The following FGR variants were observed in gnomAD, a reference collection of about 807,000 sequenced individuals.
The protein encoded by FGR is FGR proto-oncogene, Src family tyrosine kinase, also known as tyrosine-protein kinase Fgr.
In FGR, 26 loss-of-function variants were observed where a neutral mutation model predicts 63.2. That is an observed-to-expected ratio of 0.41 (90% confidence interval 0.30 to 0.57). The LOEUF is 0.57. Ranked by LOEUF, FGR falls within the 20% of genes least tolerant of loss-of-function variation. FGR has a pLI of 0.27. For synonymous variants in FGR, 286 were observed against 277.7 expected (o/e 1.03, Z -0.30); for missense variants, 511 against 690.8 (o/e 0.74, Z 2.92).
Position 27,615,966 on chromosome 1 carries a change from G to T in FGR, c.683-122C>A. ...TTATAAGGAACTAGGCCCCAAGTGA[G>T]GTCACAGGCCAGGAAGAAAGGCAAC... On this transcript the variant is annotated intron_variant, in intron 7 of 12. Transcript: ENST00000374005. This position sits in a 1 kb window ranked among gnomAD's most constrained non-coding sequence, Gnocchi z 7.6. The T allele has an allele frequency of 8.8e-7, 1 of 1,132,636 alleles. No individual in the cohort carries two copies. Among genetic ancestry groups the T allele is most frequent in the Non-Finnish European group, 1.2e-6 (1 of 823,624 alleles). 70.2% of individuals were successfully genotyped at this position (1,132,636 alleles called of 1,614,324 possible). A position where few individuals can be genotyped will look rare whatever the true frequency, so the allele number is the denominator to read the frequency against.
At chr1:27,628,472 A>C (rs2090057080) in intron 1 of FGR, among the ~76,000 whole-genome samples, 1 of 149,376 alleles carries the variant, frequency 6.7e-6, no homozygotes. Flanking sequence ...AGCATGCACA[A>C]ATGCGGATGC....
In FGR at chr1:27,617,991, C is replaced by T. The variant is rs1006632960; in HGVS notation, c.429-695G>A. Reference sequence around the variant, plus strand: ...AGGTACAATGGGGGAGCTGAAGTGACCACAGGTGCCATAGAAGACTCAGAT... The same window carrying T: ...AGGTACAATGGGGGAGCTGAAGTGATCACAGGTGCCATAGAAGACTCAGAT... On this transcript the variant is annotated intron_variant, in intron 5 of 12. Transcript: ENST00000374005. The surrounding 1 kb of genome is among the most constrained non-coding windows in gnomAD (Gnocchi z 4.5). 1.3e-5 allele frequency among the ~76,000 whole-genome samples: 2 copies of T among 152,164 alleles called. No individual in the cohort carries two copies. Among genetic ancestry groups the T allele is most frequent in the African/African-American group, 4.8e-5 (2 of 41,426 alleles).
chr1:27,613,758 C>T (rs903200984), intron 11 of FGR, among the ~76,000 whole-genome samples: 8 of 149,444 alleles, frequency 5.4e-5, no homozygotes, highest in Admixed American at 1.3e-4. Flanking sequence ...ATGAGGATTT[C>T]GGGGATCCTG....
intron 1 of FGR, among the ~76,000 whole-genome samples, chr1:27,632,101 C>G (rs1320047238): frequency 1.3e-5 from 2 of 151,444 alleles, no homozygotes; most frequent in Admixed American, 6.6e-5. Context: ...CTCATTAACT[C>G]CCTTTCTTTC....
intron 5 of FGR, among the ~76,000 whole-genome samples, chr1:27,620,460 T>C (rs1557732536): frequency 1.3e-5 from 2 of 151,750 alleles, no homozygotes; most frequent in South Asian, 2.1e-4. Context: ...TAAAAAAATA[T>C]ACAAAAATTA....
At chr1:27,626,804 T>C (rs2090028020) in intron 1 of FGR, among the ~76,000 whole-genome samples, 1 of 152,054 alleles carries the variant, frequency 6.6e-6, no homozygotes, top group Non-Finnish European at 1.5e-5. Flanking sequence ...GGTGGAGGAC[T>C]GGAAGCCATC....
intron 2 of FGR, among the ~76,000 whole-genome samples, chr1:27,624,523 GTC>G (rs1398416353): frequency 8.5e-5 from 13 of 152,168 alleles, no homozygotes; most frequent in Non-Finnish European, 1.8e-4. Context: ...GTCTTTGTGT[GTC>G]TCTAAGTATG....
rs1188012639 is a variant in FGR, at chr1:27,617,415, C to T, written c.429-119G>A. On this transcript the variant is annotated intron_variant, in intron 5 of 12. Coordinates refer to ENST00000374005, the MANE Select transcript of FGR (RefSeq NM_005248.3). The surrounding 1 kb of genome is among the most constrained non-coding windows in gnomAD (Gnocchi z 4.5). ...CCCCATGTGTAAAATGGGGCTGGTA[C>T]ACCTGCTTCACATCCTGGCTGGGAG... is the stretch of plus-strand genomic sequence containing the variant. 2 of 686,914 alleles carry T rather than the reference C, an allele frequency of 2.9e-6. No homozygotes were observed. Among genetic ancestry groups the T allele is most frequent in the African/African-American group, 1.8e-5 (1 of 56,722 alleles). 42.6% of individuals were successfully genotyped at this position (686,914 alleles called of 1,614,324 possible).
chr1:27,613,258 GC>G lies in FGR; in HGVS notation c.1341del (p.Leu448SerfsTer15). On this transcript the variant is annotated frameshift_variant, in exon 12 of 13. Coordinates refer to ENST00000374005, the MANE Select transcript of FGR (RefSeq NM_005248.3). LOFTEE classifies it high-confidence loss of function. ...IKSDVWSFGI[L>X]LTELITKGRI... Reference sequence around the variant, plus strand: ...CGGCCCTTGGTGATGAGCTCAGTGAGCAGGATCCCAAAGGACCACACGTCTG... The same window carrying G: ...CGGCCCTTGGTGATGAGCTCAGTGAGAGGATCCCAAAGGACCACACGTCTG... The G allele has an allele frequency of 6.2e-7, 1 of 1,614,220 alleles. No homozygotes were observed. Among genetic ancestry groups the G allele is most frequent in the Non-Finnish European group, 8.5e-7 (1 of 1,180,020 alleles).
rs59265327 is a variant in FGR at position 27,620,991 on chromosome 1, C to CAAAAAAA, written c.428+561_428+567dup. 1.7e-3 allele frequency among the ~76,000 whole-genome samples: 38 copies of CAAAAAAA among 22,020 alleles called. 1 individual carries two copies. The highest frequency in any genetic ancestry group is 3.4e-3 in the Admixed American group (5 of 1,472). The allele number at this position is 22,020 out of a possible 152,430, so 14.4% of individuals were successfully genotyped here. On this transcript the variant is annotated intron_variant, in intron 5 of 12. Transcript: ENST00000374005. ...TAGGCAACAGAGTAGGACCCTGTCT[C>CAAAAAAA]AAAAAAAAAAAAAAAAAAAAAAAAA...
In FGR at chr1:27,617,833, C is replaced by T. The variant is rs187398750; in HGVS notation, c.429-537G>A. Among the ~76,000 whole-genome samples the T allele has an allele frequency of 2.8e-3, 427 of 152,348 alleles. 4 individuals are homozygous for T. Among genetic ancestry groups the T allele is most frequent in the African/African-American group, 9.9e-3 (410 of 41,570 alleles). On this transcript the variant is annotated intron_variant, in intron 5 of 12. Transcript: ENST00000374005. This position sits in a 1 kb window ranked among gnomAD's most constrained non-coding sequence, Gnocchi z 4.5. ...CTCTTCTCTCTGGCTGCTCCCGCCC[C>T]GGCTACTGCTCTTCCTGCACTCTCT...
In FGR at chr1:27,613,087, G is replaced by C; in HGVS notation, c.1417C>G (p.Gln473Glu). The C allele has an allele frequency of 1.2e-6, 2 of 1,614,200 alleles. No homozygotes were observed. Among genetic ancestry groups the C allele is most frequent in the Non-Finnish European group, 1.7e-6 (2 of 1,180,026 alleles). The change falls in exon 13 of 13, where the codon CAG becomes GAG. Residue 473 changes from glutamine to glutamate, a missense_variant. Physicochemically the swap from Gln to Glu is conservative, Grantham distance 29 (BLOSUM62 2). Transcript: ENST00000374005. ...GGAGGGCACGGCATGTGGTAGCCCTGCTCCACCTGTTCCAACACTTCCCGT... is the reference window on the plus strand; with the variant it reads ...GGAGGGCACGGCATGTGGTAGCCCTCCTCCACCTGTTCCAACACTTCCCGT... ...NKREVLEQVE[Q>E]GYHMPCPPGC...
chr1:27,622,399 C>T (rs2089946977), intron 4 of FGR, among the ~76,000 whole-genome samples: 1 of 152,104 alleles, frequency 6.6e-6, no homozygotes, highest in Non-Finnish European at 1.5e-5. Context: ...AGGTGAACCA[C>T]TTTGTGGTTT....
At chr1:27,613,694 C>CAAAAAA (rs56363244) in intron 11 of FGR, among the ~76,000 whole-genome samples, 12 of 74,206 alleles carry the variant, frequency 1.6e-4, no homozygotes, top group East Asian at 5.4e-4. Flanking sequence ...GACTCCATCT[C>CAAAAAA]AAAAAAAAAA....
chr1:27,628,306 C>T (rs1359439105), intron 1 of FGR, among the ~76,000 whole-genome samples: 1 of 152,008 alleles, frequency 6.6e-6, no homozygotes, highest in Non-Finnish European at 1.5e-5. Context: ...TATGATCATG[C>T]CACTGTACTC....
At chr1:27,630,468 C>T (rs955929240) in intron 1 of FGR, among the ~76,000 whole-genome samples, 3 of 152,170 alleles carry the variant, frequency 2.0e-5, no homozygotes, top group African/African-American at 7.2e-5. Flanking sequence ...AGATTGGACA[C>T]CCCTGCAATA....
Position 27,616,851 on chromosome 1 carries a change from C to G in FGR, c.682+6G>C, listed in dbSNP as rs531514348. On this transcript the variant is annotated splice_donor_region_variant and intron_variant, in intron 7 of 12. Coordinates refer to ENST00000374005, the MANE Select transcript of FGR (RefSeq NM_005248.3). This position sits in a 1 kb window ranked among gnomAD's most constrained non-coding sequence, Gnocchi z 4.3. ...TGGTTCAGGGATCTGAGGCCCCTGC[C>G]CTCACCCATGTAGTGCTGCACCAGC... 6.2e-7 allele frequency: 1 copy of G among 1,614,014 alleles called. No individual in the cohort carries two copies. Among genetic ancestry groups the G allele is most frequent in the Admixed American group, 1.7e-5 (1 of 60,006 alleles).
chr1:27,623,965 G>A, intron 2 of FGR, 36 bp from the exon 3 acceptor site: 1 of 1,509,698 alleles, frequency 6.6e-7, no homozygotes, highest in African/African-American at 1.4e-5. Flanking sequence ...AAGGACCCCT[G>A]CCAGGTGCAC....
chr1:27,629,150 T>G (rs1246795976), intron 1 of FGR, among the ~76,000 whole-genome samples: 2 of 147,380 alleles, frequency 1.4e-5, no homozygotes, highest in East Asian at 2.0e-4. Flanking sequence ...GACAGAGAGA[T>G]AGAAGGAAGA....
Sources: allele counts gnomAD v4.1 joint callset (sites outside exome capture counted in the v4.1 genomes callset), GRCh38; gene constraint gnomAD v4.1.1; non-coding constraint Gnocchi (gnomAD v3.1); transcripts MANE v1.5; gene names NCBI Gene and HGNC (gene_info 2026-07-23, HGNC 2026-07-21).